The following TCF4 variants were observed in gnomAD, a reference collection of about 807,000 sequenced individuals.
TCF4 encodes transcription factor 4.
TCF4 carries 3 observed loss-of-function variants against 82.1 expected under a neutral mutation model. The observed-to-expected ratio is 0.04, with a 90% CI of 0.02 to 0.09. The LOEUF is 0.09. Ranked by LOEUF, TCF4 falls within the 10% of genes least tolerant of loss-of-function variation. The pLI is 1.00. For synonymous variants in TCF4, 276 were observed against 309.6 expected (o/e 0.89, Z 1.14); for missense variants, 518 against 852.7 (o/e 0.61, Z 4.89).
intron 3 of TCF4, among the ~76,000 whole-genome samples, chr18:55,536,430 CA>C (rs1390614747): frequency 6.6e-6 from 1 of 152,140 alleles, no homozygotes; most frequent in Non-Finnish European, 1.5e-5. Flanking sequence ...AACAAATCTA[CA>C]AAAGAACACA....
chr18:55,589,824 C>G, upstream of TCF4: 1 of 1,005,940 alleles, frequency 9.9e-7, no homozygotes, highest in Non-Finnish European at 1.2e-6. Flanking sequence ...GGAGCTGCGG[C>G]CGCGGCTGCT....
rs2093779259 is a variant in TCF4, at chr18:55,400,942, T to C, written c.369+2512A>G. On this transcript the variant is annotated intron_variant, in intron 6 of 19. Transcript: ENST00000354452. ...CACCATCTGAAGGTTTCCTATTCCG[T>C]ATCTCAATCATGTAGTAAACAGAAG... is the stretch of plus-strand genomic sequence containing the variant. 9 of 1,287,734 alleles carry C rather than the reference T, an allele frequency of 7.0e-6. No individual in the cohort carries two copies. The Middle Eastern group carries it at 6.4e-4, about 92-fold the overall frequency. 79.8% of individuals were successfully genotyped at this position (1,287,734 alleles called of 1,614,324 possible).
intron 2 of TCF4, among the ~76,000 whole-genome samples, chr18:55,608,047 C>T (rs986258579): frequency 1.3e-5 from 2 of 152,178 alleles, no homozygotes; most frequent in East Asian, 3.8e-4. Flanking sequence ...CAAATGGAAG[C>T]TGCGTGCCAC....
intron 8 of TCF4, among the ~76,000 whole-genome samples, 194 bp from the exon 9 acceptor site, chr18:55,279,850 T>A (rs930831541): frequency 1.3e-5 from 2 of 152,196 alleles, no homozygotes; most frequent in African/African-American, 4.8e-5. Context: ...AAGCTCGGTG[T>A]ATTTGTGCGA....
intron 6 of TCF4, among the ~76,000 whole-genome samples, chr18:55,359,771 C>A (rs1190527731): frequency 6.6e-6 from 1 of 152,218 alleles, no homozygotes; most frequent in African/African-American, 2.4e-5. Context: ...GGCTCAATGC[C>A]TCTTTTCCAC....
intron 3 of TCF4, among the ~76,000 whole-genome samples, chr18:55,532,208 G>A (rs552615245): frequency 6.6e-6 from 1 of 152,310 alleles, no homozygotes; most frequent in African/African-American, 2.4e-5. Flanking sequence ...TTCATGAAGT[G>A]AATCTTCAAT....
chr18:55,339,551 A>T (rs969567538), intron 8 of TCF4, among the ~76,000 whole-genome samples: 5 of 152,194 alleles, frequency 3.3e-5, no homozygotes, highest in African/African-American at 7.2e-5. Flanking sequence ...GAAGAAGTTC[A>T]GGGCTCATCA....
At chr18:55,338,038 C>T (rs574709845) in intron 8 of TCF4, among the ~76,000 whole-genome samples, 1 of 152,180 alleles carries the variant, frequency 6.6e-6, no homozygotes, top group East Asian at 1.9e-4. Flanking sequence ...CCATCAGTCT[C>T]GCTGCTGCCA....
At chr18:55,583,573 T>G (rs1358380298) in intron 3 of TCF4, among the ~76,000 whole-genome samples, 1 of 152,144 alleles carries the variant, frequency 6.6e-6, no homozygotes, top group Non-Finnish European at 1.5e-5. Context: ...TCTAAACACC[T>G]TACTTTATTA....
At chr18:55,433,932 T>C (rs1304435772) in intron 5 of TCF4, among the ~76,000 whole-genome samples, 2 of 152,122 alleles carry the variant, frequency 1.3e-5, no homozygotes, top group South Asian at 2.1e-4. Context: ...CTTGAGTAGT[T>C]TTCCAGTCCT....
chr18:55,586,133 AGAAGG>A lies in TCF4; in HGVS notation c.73-786_73-782del, dbSNP rs2097643462. On this transcript the variant is annotated intron_variant, in intron 2 of 19. Transcript: ENST00000354452. The stretch of plus-strand genomic sequence containing the variant: ...GGTCTAGAAGAGGAGGAGGAGGAGG[AGAAGG>A]AGGAGGAGGAGGAGGAGCAGCAGCA... 20 of 1,437,084 alleles carry A rather than the reference AGAAGG, an allele frequency of 1.4e-5. 3 individuals are homozygous for A. The highest frequency in any genetic ancestry group is 4.9e-5 in the South Asian group (4 of 81,548). 89.0% of individuals were successfully genotyped at this position (1,437,084 alleles called of 1,614,324 possible). A position where few individuals can be genotyped will look rare whatever the true frequency, so the allele number is the denominator to read the frequency against.
At chr18:55,356,185 T>C (rs1025427118) in intron 6 of TCF4, among the ~76,000 whole-genome samples, 7 of 152,164 alleles carry the variant, frequency 4.6e-5, no homozygotes, top group Non-Finnish European at 1.0e-4. Context: ...AATCCACTGA[T>C]TATTATTGAA....
chr18:55,474,918 C>T (rs2096260630), intron 3 of TCF4, among the ~76,000 whole-genome samples: 1 of 152,138 alleles, frequency 6.6e-6, no homozygotes. Flanking sequence ...GGGACTGCCA[C>T]ACCAGGCTAA....
intron 8 of TCF4, among the ~76,000 whole-genome samples, chr18:55,309,855 A>C (rs2071717810): frequency 6.6e-6 from 1 of 152,214 alleles, no homozygotes; most frequent in Non-Finnish European, 1.5e-5. Context: ...TCAATGATTG[A>C]TCAAAAAAAG....
At chr18:55,635,571 C>A in intron 1 of TCF4, 1 of 1,156,080 alleles carries the variant, frequency 8.6e-7, no homozygotes, top group South Asian at 1.9e-5. Flanking sequence ...AGGCCAAGTG[C>A]TGTGGAGATG....
intron 3 of TCF4, chr18:55,546,820 A>C (rs1391855793): frequency 6.6e-6 from 1 of 152,240 alleles, no homozygotes; most frequent in African/African-American, 2.4e-5. Context: ...TAACAGACTT[A>C]CTTTCAAAAA....
At chr18:55,287,938 C>T (rs1424417989) in intron 8 of TCF4, among the ~76,000 whole-genome samples, 2 of 149,558 alleles carry the variant, frequency 1.3e-5, no homozygotes, top group South Asian at 4.2e-4. Context: ...TAGAAATTTA[C>T]AAGGGGGAAA....
intron 2 of TCF4, among the ~76,000 whole-genome samples, chr18:55,628,486 T>C (rs560386029): frequency 6.6e-6 from 1 of 152,338 alleles, no homozygotes; most frequent in African/African-American, 2.4e-5. Context: ...AATCTTTTTT[T>C]CACTAATATA....
intron 3 of TCF4, among the ~76,000 whole-genome samples, chr18:55,537,338 C>T (rs1025080670): frequency 4.6e-5 from 7 of 152,072 alleles, no homozygotes; most frequent in African/African-American, 1.4e-4. Flanking sequence ...CAGTGGCTCA[C>T]GCCTGTAATC....
Sources: allele counts gnomAD v4.1 joint callset (sites outside exome capture counted in the v4.1 genomes callset), GRCh38; gene constraint gnomAD v4.1.1; transcripts MANE v1.5; gene names NCBI Gene and HGNC (gene_info 2026-07-23, HGNC 2026-07-21).